Variants in CTNNA2 observed in about 807,000 individuals in gnomAD.
The protein encoded by CTNNA2 is catenin alpha-2.
Under a neutral mutation model 101.0 loss-of-function variants are expected in CTNNA2, and 42 were observed. The observed-to-expected ratio is 0.42, with a 90% CI of 0.32 to 0.54. The LOEUF (loss-of-function observed/expected upper bound fraction) is 0.54, where lower values mean the gene tolerates loss of function less well. Among genes scored for constraint, CTNNA2 ranks in the 20% least tolerant of loss-of-function variants. The probability of loss-of-function intolerance (pLI) is 0.14; values close to 1 mark genes in which losing one functional copy is unlikely to be tolerated. For missense variants in CTNNA2, 871 were observed against 1,223.1 expected, an observed-to-expected ratio of 0.71 and a Z score of 4.29; for synonymous variants, 450 against 456.4, an observed-to-expected ratio of 0.99 and a Z score of 0.18.
At chr2:79,999,036 C>G (rs764734733) in intron 7 of CTNNA2, among the ~76,000 whole-genome samples, 17 of 151,856 alleles carry the variant, frequency 1.1e-4, no homozygotes, top group Admixed American at 2.6e-4. Context: ...TTCTAGCTTT[C>G]AGCTCTAAAA....
chr2:80,228,100 C>G (rs1330677429), intron 7 of CTNNA2, among the ~76,000 whole-genome samples: 1 of 152,160 alleles, frequency 6.6e-6, no homozygotes, highest in Non-Finnish European at 1.5e-5. Flanking sequence ...TGGACAAACT[C>G]TCCATGAGTG....
At chr2:79,930,519 T>C (rs1687373558) in intron 7 of CTNNA2, among the ~76,000 whole-genome samples, 1 of 152,038 alleles carries the variant, frequency 6.6e-6, no homozygotes, top group African/African-American at 2.4e-5. Context: ...TTTTGCGAAA[T>C]AAGGATTGCA....
chr2:79,638,895 A>G (rs527568327), intron 1 of CTNNA2, among the ~76,000 whole-genome samples: 85 of 152,330 alleles, frequency 5.6e-4, no homozygotes, highest in African/African-American at 1.9e-3. Context: ...CTTTCTTTAT[A>G]TCATGATTAC....
At chr2:79,644,395 G>T (rs1680663092) in intron 1 of CTNNA2, among the ~76,000 whole-genome samples, 1 of 152,040 alleles carries the variant, frequency 6.6e-6, no homozygotes, top group Non-Finnish European at 1.5e-5. Flanking sequence ...AGATAATTCG[G>T]GATAATTTCC....
intron 7 of CTNNA2, among the ~76,000 whole-genome samples, chr2:80,117,754 A>T (rs1396980176): frequency 1.3e-5 from 2 of 152,276 alleles, no homozygotes; most frequent in East Asian, 3.9e-4. Flanking sequence ...GGCAGCCTCC[A>T]GTGAGTGCAC....
At chr2:80,564,551 C>A (rs1529785) in intron 12 of CTNNA2, among the ~76,000 whole-genome samples, 5 of 150,914 alleles carry the variant, frequency 3.3e-5, no homozygotes, top group Admixed American at 6.6e-5. Context: ...GGCAGTCCTT[C>A]TTCATCTTTT....
intron 4 of CTNNA2, among the ~76,000 whole-genome samples, chr2:79,471,997 G>T (rs1335537014): frequency 6.6e-6 from 1 of 152,018 alleles, no homozygotes; most frequent in Non-Finnish European, 1.5e-5. Flanking sequence ...TCAGCATCAA[G>T]ACAAGAATAT....
intron 3 of CTNNA2, among the ~76,000 whole-genome samples, chr2:79,783,057 A>C (rs945959061): frequency 2.0e-5 from 3 of 151,210 alleles, no homozygotes; most frequent in African/African-American, 7.3e-5. Context: ...TTTTGGTTTC[A>C]AGTCAGCTCT....
At chr2:80,346,568 G>A (rs1306562588) in intron 7 of CTNNA2, among the ~76,000 whole-genome samples, 2 of 152,156 alleles carry the variant, frequency 1.3e-5, no homozygotes, top group African/African-American at 4.8e-5. Flanking sequence ...TATCCAAACT[G>A]TATCACCTTT....
intron 3 of CTNNA2, among the ~76,000 whole-genome samples, chr2:79,341,325 A>G (rs1246727972): frequency 6.6e-6 from 1 of 152,248 alleles, no homozygotes; most frequent in African/African-American, 2.4e-5. Context: ...ATTAGTGGAT[A>G]TGGAACATTT....
intron 4 of CTNNA2, among the ~76,000 whole-genome samples, chr2:79,863,114 A>C (rs1430953238): frequency 1.3e-5 from 2 of 150,678 alleles, no homozygotes; most frequent in African/African-American, 2.5e-5. Flanking sequence ...ACAAAAGAGG[A>C]AATTCTCTTT....
intron 1 of CTNNA2, among the ~76,000 whole-genome samples, chr2:79,520,615 T>C (rs1272785519): frequency 6.6e-6 from 1 of 152,214 alleles, no homozygotes; most frequent in Non-Finnish European, 1.5e-5. Context: ...ATCTAGACTA[T>C]GTATAGAACT....
chr2:79,750,234 A>G (rs181760154), intron 3 of CTNNA2, among the ~76,000 whole-genome samples: 1 of 152,284 alleles, frequency 6.6e-6, no homozygotes, highest in African/African-American at 2.4e-5. Context: ...TAGACTGAAA[A>G]CTTTTTTTTG....
rs563293971 is a variant in CTNNA2, at chr2:79,595,134, T to C, written c.-5-56418T>C. ...CACAGTTAGCCAGTTTCGACTGTCATAACATAAGCACTTGTGGTCAACCAT... is the reference window on the plus strand; with the variant it reads ...CACAGTTAGCCAGTTTCGACTGTCACAACATAAGCACTTGTGGTCAACCAT... On this transcript the variant is annotated intron_variant, in intron 1 of 18. Coordinates refer to ENST00000402739, the MANE Select transcript of CTNNA2 (RefSeq NM_001282597.3). Among the ~76,000 whole-genome samples the C allele has an allele frequency of 1.0e-3, 154 of 152,278 alleles. 1 individual carries two copies. The highest frequency in any genetic ancestry group is 2.0e-3 in the Non-Finnish European group (134 of 68,018).
chr2:79,240,915 A>G lies in CTNNA2; in HGVS notation c.-406+42839A>G, dbSNP rs942360469. Among the ~76,000 whole-genome samples, 6 of 152,040 alleles carry G rather than the reference A, an allele frequency of 3.9e-5. No individual in the cohort carries two copies. The East Asian group carries it at 1.2e-3, about 29-fold the overall frequency. ...TCTCCCCTGGTCATCTTCTTTGGGG[A>G]CCCTGCCTCTGCTGTCCACCTCCTT... On this transcript the variant is annotated intron_variant, in intron 2 of 21. Transcript: ENST00000466387.
intron 1 of CTNNA2, among the ~76,000 whole-genome samples, chr2:79,554,593 A>G (rs947710269): frequency 2.0e-5 from 3 of 152,144 alleles, no homozygotes; most frequent in Non-Finnish European, 4.4e-5. Flanking sequence ...AAGCCCAATG[A>G]TTCTGGATCC....
At chr2:79,776,435 A>C (rs1396466143) in intron 3 of CTNNA2, among the ~76,000 whole-genome samples, 1 of 152,194 alleles carries the variant, frequency 6.6e-6, no homozygotes, top group African/African-American at 2.4e-5. Context: ...TTAGAAAGCT[A>C]CACTGAAGGT....
intron 3 of CTNNA2, among the ~76,000 whole-genome samples, chr2:79,801,087 G>C (rs1383874092): frequency 6.6e-6 from 1 of 152,218 alleles, no homozygotes; most frequent in African/African-American, 2.4e-5. Flanking sequence ...GCTCTTTAGA[G>C]AAATTAGAAA....
chr2:80,183,815 A>T (rs1194810380), intron 7 of CTNNA2, among the ~76,000 whole-genome samples: 1 of 152,182 alleles, frequency 6.6e-6, no homozygotes, highest in Non-Finnish European at 1.5e-5. Flanking sequence ...AGATATCAAT[A>T]CAACTTTGAC....
Sources: gnomAD v4.1 joint callset for allele counts (sites outside exome capture counted in the v4.1 genomes callset) on GRCh38, gnomAD v4.1.1 for gene constraint, MANE v1.5 for transcripts, NCBI Gene and HGNC (gene_info 2026-07-23, HGNC 2026-07-21) for gene names.